Variants in RALGAPA2 observed in about 807,000 individuals in gnomAD.
The protein encoded by RALGAPA2 is ral GTPase-activating protein subunit alpha-2.
A neutral mutation model predicts 230.4 loss-of-function variants in RALGAPA2; 139 were observed. The observed-to-expected ratio is 0.60, with a 90% CI of 0.53 to 0.69. RALGAPA2 has a LOEUF of 0.69. Ranked by LOEUF, RALGAPA2 falls within the 30% of genes least tolerant of loss-of-function variation. The pLI is 0.00. For synonymous variants in RALGAPA2, 847 were observed against 837.8 expected (o/e 1.01, Z -0.19); for missense variants, 2,163 against 2,276.0 (o/e 0.95, Z 1.01).
At chr20:20,638,582 CT>C (rs2066933232) in intron 7 of RALGAPA2, among the ~76,000 whole-genome samples, 1 of 152,192 alleles carries the variant, frequency 6.6e-6, no homozygotes. Flanking sequence ...GGTCACACAA[CT>C]CATTAGTGAC....
At chr20:20,704,646 T>A (rs1331252125) in intron 1 of RALGAPA2, among the ~76,000 whole-genome samples, 1 of 152,204 alleles carries the variant, frequency 6.6e-6, no homozygotes, top group Non-Finnish European at 1.5e-5. Flanking sequence ...GACTATATCT[T>A]CAGGGCTTGC....
Position 20,503,657 on chromosome 20 carries a change from G to A in RALGAPA2, c.5053-151C>T, listed in dbSNP as rs182844380. Among the ~76,000 whole-genome samples the A allele has an allele frequency of 4.9e-3, 752 of 152,228 alleles. 6 individuals carry two copies. The highest frequency in any genetic ancestry group is 0.017 in the African/African-American group (717 of 41,536). On this transcript the variant is annotated intron_variant, in intron 34 of 39. Coordinates refer to ENST00000202677, the MANE Select transcript of RALGAPA2 (RefSeq NM_020343.4). ...ACAAATGTAATACAAAGTTAGACCA[G>A]ATTAAAATGTTAAAGAAATAAAAAA...
chr20:20,393,320 G>T, intron 39 of RALGAPA2, 67 bp from the exon 40 acceptor site: 1 of 1,162,252 alleles, frequency 8.6e-7, no homozygotes. Flanking sequence ...CACATTTCAG[G>T]GAGGATCTGT....
intron 23 of RALGAPA2, among the ~76,000 whole-genome samples, chr20:20,560,660 A>C (rs1319465959): frequency 6.6e-6 from 1 of 152,194 alleles, no homozygotes; most frequent in Admixed American, 6.5e-5. Context: ...TAAATCTCTT[A>C]TATTCAAAAA....
intron 3 of RALGAPA2, among the ~76,000 whole-genome samples, chr20:20,660,674 C>T (rs1170501404): frequency 6.6e-6 from 1 of 152,096 alleles, no homozygotes; most frequent in African/African-American, 2.4e-5. Flanking sequence ...TATTTAAGAA[C>T]CTCCCATTAA....
chr20:20,453,551 G>A lies in RALGAPA2; in HGVS notation c.5495+19278C>T, dbSNP rs1343637706. Among the ~76,000 whole-genome samples, 6 of 152,270 alleles carry A rather than the reference G, an allele frequency of 3.9e-5. No homozygotes were observed. The East Asian group carries it at 7.7e-4, about 20-fold the overall frequency. ...CAAAGGCTCTTTTCCGCTGAAAGTC[G>A]TTTACTTTTTCTGAATGCTCCTTTC... On this transcript the variant is annotated intron_variant, in intron 37 of 39. Coordinates refer to ENST00000202677, the MANE Select transcript of RALGAPA2 (RefSeq NM_020343.4).
intron 35 of RALGAPA2, among the ~76,000 whole-genome samples, chr20:20,501,911 C>T (rs535492662): frequency 2.0e-5 from 3 of 152,144 alleles, no homozygotes; most frequent in South Asian, 2.1e-4. Context: ...GGGGAACGGC[C>T]GGTGGGTGGA....
intron 12 of RALGAPA2, among the ~76,000 whole-genome samples, chr20:20,617,774 A>T (rs1021051717): frequency 3.3e-5 from 5 of 152,236 alleles, no homozygotes; most frequent in African/African-American, 4.8e-5. Flanking sequence ...GTCGGAGAAA[A>T]GAAAGAAAAT....
intron 24 of RALGAPA2, among the ~76,000 whole-genome samples, chr20:20,545,053 T>A (rs554525401): frequency 6.6e-6 from 1 of 152,368 alleles, no homozygotes; most frequent in Admixed American, 6.5e-5. Context: ...AGAAGTATGA[T>A]TTCCCTTCTT....
chr20:20,572,548 AT>A (rs1339101916), intron 21 of RALGAPA2, among the ~76,000 whole-genome samples: 1 of 152,036 alleles, frequency 6.6e-6, no homozygotes, highest in Non-Finnish European at 1.5e-5. Context: ...ACTGATGTTA[AT>A]TTTCTTCTTT....
chr20:20,704,473 C>CA (rs1443957878), intron 1 of RALGAPA2, among the ~76,000 whole-genome samples: 1 of 152,168 alleles, frequency 6.6e-6, no homozygotes, highest in Admixed American at 6.5e-5. Context: ...CCAGTTCCTG[C>CA]AACTGAGCAG....
intron 37 of RALGAPA2, among the ~76,000 whole-genome samples, chr20:20,431,706 C>T (rs2060505261): frequency 6.6e-6 from 1 of 152,018 alleles, no homozygotes; most frequent in South Asian, 2.1e-4. Flanking sequence ...GTGTTCTCAC[C>T]ACAAATAAAT....
At chr20:20,506,600 T>C (rs2062543682) in intron 33 of RALGAPA2, among the ~76,000 whole-genome samples, 1 of 152,198 alleles carries the variant, frequency 6.6e-6, no homozygotes, top group South Asian at 2.1e-4. Flanking sequence ...TTTCTCCTTT[T>C]TTTGCACTAC....
intron 23 of RALGAPA2, among the ~76,000 whole-genome samples, chr20:20,555,856 T>C (rs909593835): frequency 1.3e-5 from 2 of 152,218 alleles, no homozygotes; most frequent in African/African-American, 2.4e-5. Flanking sequence ...TTTGTCAATA[T>C]ACATATCTTT....
intron 36 of RALGAPA2, among the ~76,000 whole-genome samples, chr20:20,487,246 C>G (rs2061935161): frequency 6.6e-6 from 1 of 152,170 alleles, no homozygotes; most frequent in South Asian, 2.1e-4. Context: ...TTTTCTATAG[C>G]TGTAGATGTC....
chr20:20,462,314 T>A (rs140734756), intron 37 of RALGAPA2, among the ~76,000 whole-genome samples: 1 of 152,360 alleles, frequency 6.6e-6, no homozygotes, highest in African/African-American at 2.4e-5. Flanking sequence ...CGAAAGCAGC[T>A]GTGCACTTCT....
intron 36 of RALGAPA2, among the ~76,000 whole-genome samples, chr20:20,476,633 G>T (rs73289140): frequency 0.01 from 1,505 of 150,350 alleles, 20 homozygotes; most frequent in African/African-American, 0.035. Context: ...ACGACCTTAG[G>T]ATAGGCAAGG....
At chr20:20,585,174 A>G (rs1166681312) in intron 18 of RALGAPA2, among the ~76,000 whole-genome samples, 1 of 152,226 alleles carries the variant, frequency 6.6e-6, no homozygotes, top group Non-Finnish European at 1.5e-5. Flanking sequence ...TACTTTGTCA[A>G]CTTACATCCA....
chr20:20,630,624 C>G (rs1484686487), intron 9 of RALGAPA2, among the ~76,000 whole-genome samples: 3 of 152,218 alleles, frequency 2.0e-5, no homozygotes, highest in African/African-American at 7.2e-5. Flanking sequence ...GATCCACTAT[C>G]TTCCACAGGA....
Sources: gnomAD v4.1 joint callset for allele counts (sites outside exome capture counted in the v4.1 genomes callset) on GRCh38, gnomAD v4.1.1 for gene constraint, MANE v1.5 for transcripts, NCBI Gene and HGNC (gene_info 2026-07-23, HGNC 2026-07-21) for gene names.